DLG2: variants seen among roughly 807,000 people sequenced by gnomAD.
The protein encoded by DLG2 is disks large homolog 2.
A neutral mutation model predicts 132.5 loss-of-function variants in DLG2; 45 were observed. That is an observed-to-expected ratio of 0.34 (90% confidence interval 0.27 to 0.44). The LOEUF (loss-of-function observed/expected upper bound fraction) is 0.44. Among genes scored for constraint, DLG2 ranks in the 20% least tolerant of loss-of-function variants. The pLI, the probability that DLG2 is intolerant of heterozygous loss-of-function variation, is 1.00. For missense variants in DLG2, 1,045 were observed against 1,196.9 expected, an observed-to-expected ratio of 0.87 and a Z score of 1.87; for synonymous variants, 424 against 419.6, an observed-to-expected ratio of 1.01 and a Z score of -0.13.
chr11:84,000,859 G>A (rs2094310253), intron 11 of DLG2, among the ~76,000 whole-genome samples: 1 of 151,864 alleles, frequency 6.6e-6, no homozygotes, highest in South Asian at 2.1e-4. Flanking sequence ...ATGCTCAAGG[G>A]AGTCCTAAAC....
chr11:83,590,718 G>A (rs1458486374), intron 19 of DLG2, among the ~76,000 whole-genome samples: 12 of 151,924 alleles, frequency 7.9e-5, no homozygotes, highest in Admixed American at 5.2e-4. Flanking sequence ...TTTTTGAAAG[G>A]ATCAACAAAA....
At chr11:84,689,407 T>G (rs934410768) in intron 6 of DLG2, among the ~76,000 whole-genome samples, 1 of 152,030 alleles carries the variant, frequency 6.6e-6, no homozygotes, top group African/African-American at 2.4e-5. Context: ...GCACATAAGA[T>G]GTACTGTACA....
chr11:84,658,732 T>C (rs917885289), intron 6 of DLG2, among the ~76,000 whole-genome samples: 1 of 152,132 alleles, frequency 6.6e-6, no homozygotes, highest in African/African-American at 2.4e-5. Flanking sequence ...CACTCCTCTT[T>C]TGCCTTCCAC....
intron 7 of DLG2, among the ~76,000 whole-genome samples, chr11:84,497,962 C>G (rs2099189870): frequency 1.3e-5 from 2 of 152,108 alleles, no homozygotes; most frequent in African/African-American, 2.4e-5. Flanking sequence ...GGACAGAACC[C>G]AGGCACTCAT....
chr11:85,049,636 G>A (rs2062700796), intron 6 of DLG2, among the ~76,000 whole-genome samples: 1 of 152,150 alleles, frequency 6.6e-6, no homozygotes, highest in African/African-American at 2.4e-5. Flanking sequence ...TACATAATTG[G>A]TAGCAGAAAT....
At chr11:84,080,584 T>C (rs1173088595) in intron 10 of DLG2, among the ~76,000 whole-genome samples, 2 of 152,234 alleles carry the variant, frequency 1.3e-5, no homozygotes, top group African/African-American at 2.4e-5. Context: ...TTATTATGTA[T>C]ACCTGGACTA....
intron 16 of DLG2, among the ~76,000 whole-genome samples, chr11:83,844,316 G>A (rs770799413): frequency 4.0e-5 from 6 of 150,822 alleles, no homozygotes; most frequent in Non-Finnish European, 7.4e-5. Flanking sequence ...AGGCCGAGGC[G>A]GGTGGATCAC....
chr11:85,504,719 C>A (rs1041826859), intron 3 of DLG2, among the ~76,000 whole-genome samples: 2 of 151,900 alleles, frequency 1.3e-5, no homozygotes, highest in South Asian at 2.1e-4. Context: ...TCCATATGAA[C>A]TTTAAGGTAG....
intron 6 of DLG2, among the ~76,000 whole-genome samples, chr11:84,864,381 C>A (rs1404069683): frequency 6.6e-6 from 1 of 152,170 alleles, no homozygotes; most frequent in African/African-American, 2.4e-5. Flanking sequence ...ACATACACTT[C>A]TATGGATTAG....
At chr11:83,839,846 C>T (rs2057156339) in intron 16 of DLG2, among the ~76,000 whole-genome samples, 1 of 152,172 alleles carries the variant, frequency 6.6e-6, no homozygotes, top group Non-Finnish European at 1.5e-5. Context: ...GCCTTGCACT[C>T]TTCTCTCTCT....
chr11:83,488,481 C>G (rs1361216269), intron 21 of DLG2, among the ~76,000 whole-genome samples: 1 of 151,926 alleles, frequency 6.6e-6, no homozygotes. Context: ...ACAAAAAACT[C>G]AAATTATTTT....
intron 6 of DLG2, among the ~76,000 whole-genome samples, chr11:84,553,348 T>A (rs747217043): frequency 1.3e-5 from 2 of 152,204 alleles, no homozygotes; most frequent in Non-Finnish European, 2.9e-5. Context: ...ACCAGTGAGC[T>A]CTGTTTTCAG....
chr11:83,778,080 T>A (rs1295572767), intron 18 of DLG2, among the ~76,000 whole-genome samples: 1 of 152,150 alleles, frequency 6.6e-6, no homozygotes, highest in Non-Finnish European at 1.5e-5. Flanking sequence ...CAAAGAGATG[T>A]GAGGGTAAAC....
intron 8 of DLG2, among the ~76,000 whole-genome samples, chr11:84,239,237 G>A (rs2097196727): frequency 6.6e-6 from 1 of 152,080 alleles, no homozygotes; most frequent in Admixed American, 6.5e-5. Flanking sequence ...CTGCAGTGTA[G>A]GGGTGTGATC....
At chr11:83,471,754 G>T in intron 23 of DLG2, 27 bp from the exon 24 acceptor site, 1 of 1,591,694 alleles carries the variant, frequency 6.3e-7, no homozygotes, top group Non-Finnish European at 8.6e-7. Flanking sequence ...GAAGATGTAG[G>T]TAAAGAGAAA....
At chr11:83,643,882 C>A (rs1352622257) in intron 18 of DLG2, among the ~76,000 whole-genome samples, 1 of 151,802 alleles carries the variant, frequency 6.6e-6, no homozygotes, top group East Asian at 1.9e-4. Flanking sequence ...CTTTGTTCTA[C>A]AAGTGACTAC....
chr11:84,448,575 CCTT>C (rs1045431541), intron 7 of DLG2, among the ~76,000 whole-genome samples: 4 of 151,956 alleles, frequency 2.6e-5, no homozygotes, highest in Non-Finnish European at 4.4e-5. Flanking sequence ...ACTTTCTGCT[CCTT>C]GTCATTTTAT....
At chr11:84,596,697 C>T (rs1475556867) in intron 6 of DLG2, among the ~76,000 whole-genome samples, 1 of 152,024 alleles carries the variant, frequency 6.6e-6, no homozygotes, top group East Asian at 1.9e-4. Flanking sequence ...GACCATCATG[C>T]GTTTGCCACA....
intron 6 of DLG2, among the ~76,000 whole-genome samples, chr11:84,844,081 G>A (rs1177719915): frequency 2.4e-5 from 2 of 83,376 alleles, no homozygotes; most frequent in Admixed American, 1.1e-4. Flanking sequence ...GTGTGTGTGT[G>A]TGTGTATATA....
Sources: gnomAD v4.1 joint callset for allele counts (sites outside exome capture counted in the v4.1 genomes callset) on GRCh38, gnomAD v4.1.1 for gene constraint, MANE v1.5 for transcripts, NCBI Gene and HGNC (gene_info 2026-07-23, HGNC 2026-07-21) for gene names.